BTNL8: variants seen among roughly 807,000 people sequenced by gnomAD.
BTNL8 encodes butyrophilin like 8, also known as butyrophilin-like protein 8.
A neutral mutation model predicts 36.1 loss-of-function variants in BTNL8; 22 were observed. The observed-to-expected ratio is 0.61, with a 90% confidence interval of 0.44 to 0.87. The LOEUF is 0.87. BTNL8 is among the 40% of genes least tolerant of loss of function. The pLI, the probability that BTNL8 is intolerant of heterozygous loss-of-function variation, is 0.00. For missense variants in BTNL8, 526 were observed against 616.9 expected (o/e 0.85, Z 1.56); for synonymous variants, 203 against 235.6 (o/e 0.86, Z 1.27).
Position 180,935,947 on chromosome 5 carries a change from T to C in BTNL8, c.674-11565T>C, listed in dbSNP as rs1023572699. On this transcript the variant is annotated intron_variant, in intron 3 of 7. Coordinates refer to ENST00000340184, the MANE Select transcript of BTNL8 (RefSeq NM_001040462.3). The surrounding 1 kb of genome is among the most constrained non-coding windows in gnomAD (Gnocchi z 4.8). ...TTTTTTTTTTTGGTGTCTTGCTCTG[T>C]CGCCAGGCTGGAGTGCAGTGGCATG... Among the ~76,000 whole-genome samples the C allele has an allele frequency of 3.9e-5, 6 of 151,984 alleles. No individual in the cohort carries two copies. Among genetic ancestry groups the C allele is most frequent in the Admixed American group, 2.6e-4 (4 of 15,252 alleles).
At chr5:180,919,748 T>C (rs1406392009) in intron 3 of BTNL8, among the ~76,000 whole-genome samples, 1 of 152,154 alleles carries the variant, frequency 6.6e-6, no homozygotes, top group Non-Finnish European at 1.5e-5. Flanking sequence ...TTCTATACAC[T>C]AACAATAAAT....
At chr5:180,937,351 C>G (rs1310899958) in intron 3 of BTNL8, among the ~76,000 whole-genome samples, 1 of 152,202 alleles carries the variant, frequency 6.6e-6, no homozygotes, top group Non-Finnish European at 1.5e-5. Context: ...GCCTCCAAAA[C>G]TACACACAGC....
chr5:180,943,425 T>C (rs549269999), intron 3 of BTNL8, among the ~76,000 whole-genome samples: 1 of 152,226 alleles, frequency 6.6e-6, no homozygotes, highest in East Asian at 1.9e-4. Flanking sequence ...CCACCGTGCC[T>C]GGCCAGGATG....
At chr5:180,901,593 G>A (rs1292066295) in intron 1 of BTNL8, among the ~76,000 whole-genome samples, 5 of 152,232 alleles carry the variant, frequency 3.3e-5, no homozygotes, top group African/African-American at 4.8e-5. Flanking sequence ...TGGGTACTAT[G>A]CTGAGCAAGA....
intron 1 of BTNL8, among the ~76,000 whole-genome samples, chr5:180,904,124 C>T (rs2113764779): frequency 7.2e-6 from 1 of 138,438 alleles, no homozygotes; most frequent in Admixed American, 7.3e-5. Flanking sequence ...GCGGTATGGC[C>T]ATTTTCACGA....
At chr5:180,937,361 C>G (rs985116537) in intron 3 of BTNL8, among the ~76,000 whole-genome samples, 1 of 152,160 alleles carries the variant, frequency 6.6e-6, no homozygotes, top group Non-Finnish European at 1.5e-5. Flanking sequence ...CTACACACAG[C>G]CTACAACATT....
intron 3 of BTNL8, among the ~76,000 whole-genome samples, chr5:180,923,837 T>C (rs1203812678): frequency 6.6e-6 from 1 of 152,180 alleles, no homozygotes; most frequent in African/African-American, 2.4e-5. Flanking sequence ...ACATTGCATT[T>C]TATACACCAG....
chr5:180,947,650 C>T (rs1759331758), intron 4 of BTNL8, 25 bp downstream of exon 4: 6 of 1,614,176 alleles, frequency 3.7e-6, no homozygotes, highest in Admixed American at 1.7e-5. Context: ...GAAGCATGGG[C>T]CGGTGCCTTA....
chr5:180,927,144 C>T (rs1287279478), intron 3 of BTNL8, among the ~76,000 whole-genome samples: 1 of 152,192 alleles, frequency 6.6e-6, no homozygotes, highest in African/African-American at 2.4e-5. Context: ...GCAATCTCTG[C>T]TGTTCTGCAC....
chr5:180,937,780 T>C lies in BTNL8; in HGVS notation c.674-9732T>C, dbSNP rs748214313. 4.7e-4 allele frequency among the ~76,000 whole-genome samples: 71 copies of C among 151,864 alleles called. 1 individual carries two copies. Among genetic ancestry groups the C allele is most frequent in the Admixed American group, 1.3e-4 (2 of 15,260 alleles). ...ACACAGTAATTCTTCAGTAACAGAC[T>C]CCAAGGAAAATAAAATCTATGAATG... On this transcript the variant is annotated intron_variant, in intron 3 of 7. Transcript: ENST00000340184.
intron 3 of BTNL8, among the ~76,000 whole-genome samples, chr5:180,939,151 G>A (rs1758803583): frequency 6.6e-6 from 1 of 152,000 alleles, no homozygotes; most frequent in African/African-American, 2.4e-5. Flanking sequence ...ACAAAATAAT[G>A]AACAAAAAGT....
chr5:180,931,214 A>G (rs1458778723), intron 3 of BTNL8, among the ~76,000 whole-genome samples: 3 of 152,218 alleles, frequency 2.0e-5, no homozygotes, highest in Non-Finnish European at 4.4e-5. Context: ...TGGGGGAAGG[A>G]TTCCCTATTT....
rs140863756 is a variant in BTNL8, at chr5:180,934,037, C to G, written c.674-13475C>G. ...GATGAAAATAGATGCAAAAATTCCA[C>G]CCCCCACCAAATACTAGTAAACCAA... On this transcript the variant is annotated intron_variant, in intron 3 of 7. Transcript: ENST00000340184. Among the ~76,000 whole-genome samples, 304 of 151,934 alleles carry G rather than the reference C, an allele frequency of 2.0e-3. 2 individuals are homozygous for G. Among genetic ancestry groups the G allele is most frequent in the African/African-American group, 7.1e-3 (296 of 41,440 alleles).
At chr5:180,933,004 CCA>C (rs1758474930) in intron 3 of BTNL8, among the ~76,000 whole-genome samples, 1 of 89,294 alleles carries the variant, frequency 1.1e-5, no homozygotes, top group African/African-American at 6.7e-5. Flanking sequence ...CAAATAAAAA[CCA>C]AAAAAAAAAA....
chr5:180,946,991 T>C (rs755529280), intron 3 of BTNL8, among the ~76,000 whole-genome samples: 2 of 152,230 alleles, frequency 1.3e-5, no homozygotes, highest in African/African-American at 4.8e-5. Context: ...ATAGATTCAA[T>C]ACAATTCCAT....
chr5:180,919,907 G>C (rs62406714), intron 3 of BTNL8, among the ~76,000 whole-genome samples: 68,279 of 151,916 alleles, frequency 0.45, 16,434 homozygotes, highest in African/African-American at 0.63. Flanking sequence ...AAATAGAAAT[G>C]TATCATGTGT....
At chr5:180,902,245 C>T (rs1177151132) in intron 1 of BTNL8, 2 of 1,070,440 alleles carry the variant, frequency 1.9e-6, no homozygotes, top group Non-Finnish European at 1.3e-6. Context: ...ATAGAACCTC[C>T]TGGAATCAAA....
intron 3 of BTNL8, among the ~76,000 whole-genome samples, chr5:180,927,365 G>C (rs188329116): frequency 2.2e-4 from 33 of 152,320 alleles, no homozygotes; most frequent in African/African-American, 7.2e-4. Flanking sequence ...AATCCATGAA[G>C]ATGAGGAAAA....
intron 3 of BTNL8, among the ~76,000 whole-genome samples, chr5:180,933,045 C>A (rs1758479631): frequency 6.8e-6 from 1 of 146,156 alleles, no homozygotes. Context: ...TTATATGAGA[C>A]AAAATAGACT....
Sources: allele counts gnomAD v4.1 joint callset (sites outside exome capture counted in the v4.1 genomes callset), GRCh38; gene constraint gnomAD v4.1.1; non-coding constraint Gnocchi (gnomAD v3.1); transcripts MANE v1.5; gene names NCBI Gene and HGNC (gene_info 2026-07-23, HGNC 2026-07-21).